GRIP2: variants seen among roughly 807,000 people sequenced by gnomAD.
The protein encoded by GRIP2 is glutamate receptor-interacting protein 2.
Under a neutral mutation model 108.3 loss-of-function variants are expected in GRIP2, and 58 were observed. The ratio of observed to expected loss-of-function variants is 0.54; its 90% CI spans 0.43 to 0.67. GRIP2 has a LOEUF of 0.67. Ranked by LOEUF, GRIP2 falls within the 30% of genes least tolerant of loss-of-function variation. The probability of loss-of-function intolerance (pLI) is 0.00; values close to 1 mark genes in which losing one functional copy is unlikely to be tolerated. For synonymous variants in GRIP2, 586 were observed against 598.2 expected, an observed-to-expected ratio of 0.98 and a Z score of 0.30; for missense variants, 1,278 against 1,430.6, an observed-to-expected ratio of 0.89 and a Z score of 1.72.
intron 4 of GRIP2, 96 bp from the exon 5 acceptor site, chr3:14,523,794 TCA>T: frequency 1.2e-6 from 1 of 820,610 alleles, no homozygotes; most frequent in South Asian, 1.5e-5. Context: ...GGGTGATCAG[TCA>T]CAGAGATTAC....
chr3:14,558,885 C>A (rs1695277998), upstream of GRIP2, among the ~76,000 whole-genome samples: 1 of 152,242 alleles, frequency 6.6e-6, no homozygotes, highest in Non-Finnish European at 1.5e-5. Context: ...CTTAGCTCTT[C>A]AGCTGCAAGA....
chr3:14,577,202 C>A, the GRIP2 span, among the ~76,000 whole-genome samples: 1 of 152,118 alleles, frequency 6.6e-6, no homozygotes, highest in Non-Finnish European at 1.5e-5. Context: ...TTAGTTGATG[C>A]CAGTTTTATT....
At chr3:14,575,880 T>C in the GRIP2 span, among the ~76,000 whole-genome samples, 13 of 152,328 alleles carry the variant, frequency 8.5e-5, 1 homozygote, top group East Asian at 2.3e-3. Context: ...TCACAGAAGA[T>C]GGCAGCTGCA....
chr3:14,550,148 A>C (rs987498699), intron 1 of GRIP2, among the ~76,000 whole-genome samples: 1 of 152,168 alleles, frequency 6.6e-6, no homozygotes, highest in Non-Finnish European at 1.5e-5. Flanking sequence ...GCTGCCTGGC[A>C]GCTGAGCCCC....
Position 14,520,519 on chromosome 3 carries a change from G to C in GRIP2, c.731C>G (p.Ser244Trp), listed in dbSNP as rs779793213. 2 of 1,613,986 alleles carry C rather than the reference G, an allele frequency of 1.2e-6. No homozygotes were observed. Among genetic ancestry groups the C allele is most frequent in the Non-Finnish European group, 1.7e-6 (2 of 1,179,888 alleles). The change falls in exon 8 of 24, where the codon TCG becomes TGG. Residue 244 changes from serine to tryptophan, a missense_variant. Physicochemically the swap from Ser to Trp is radical, Grantham distance 177 (BLOSUM62 -3). Transcript: ENST00000621039. ...GACTATTTCCACCATCAAGGGTCCC[G>C]AAGCATTAGCCACCGTGTCTGGCAT... ...VATPDTVANA[S>W]GPLMVEIVKT...
rs1239883267 is a variant in GRIP2, at chr3:14,493,320, C to T, written c.*345G>A. On this transcript the variant is annotated 3_prime_UTR_variant, in exon 24 of 24. Coordinates refer to ENST00000621039, the MANE Select transcript of GRIP2 (RefSeq NM_001080423.4). ...TGGGAGGAAGTGCTCCCTACATCTT[C>T]GACCTCTCCAAGGAGGCCCCACAGA... 9 of 249,960 alleles carry T rather than the reference C, an allele frequency of 3.6e-5. No individual in the cohort carries two copies. The highest frequency in any genetic ancestry group is 1.3e-4 in the African/African-American group (6 of 44,964). 15.5% of individuals were successfully genotyped at this position (249,960 alleles called of 1,614,324 possible).
upstream of GRIP2, among the ~76,000 whole-genome samples, chr3:14,559,582 A>AGGGCAT (rs541046986): frequency 1.1e-3 from 167 of 152,280 alleles, no homozygotes; most frequent in African/African-American, 3.8e-3. Context: ...TCCCAAGCTC[A>AGGGCAT]GATGTGTCAC....
chr3:14,571,910 A>G, the GRIP2 span, among the ~76,000 whole-genome samples: 2 of 152,226 alleles, frequency 1.3e-5, no homozygotes, highest in South Asian at 2.1e-4. Context: ...AGTACCAAGC[A>G]TTGCTGAGGT....
chr3:14,516,101 A>G (rs867673536), intron 11 of GRIP2, among the ~76,000 whole-genome samples: 2 of 152,180 alleles, frequency 1.3e-5, no homozygotes, highest in African/African-American at 2.4e-5. Context: ...AAGAGCCTCC[A>G]GTCTCCACAT....
chr3:14,573,974 C>T, the GRIP2 span: 2 of 1,091,406 alleles, frequency 1.8e-6, no homozygotes, highest in Non-Finnish European at 2.8e-6. Flanking sequence ...CCTGCGGATC[C>T]TGGCATATGC....
the GRIP2 span, chr3:14,573,194 C>T: frequency 1.4e-6 from 2 of 1,415,174 alleles, no homozygotes; most frequent in Non-Finnish European, 2.0e-6. Context: ...AGGGCCGCTC[C>T]AGGATCTGCC....
intron 1 of GRIP2, among the ~76,000 whole-genome samples, chr3:14,554,930 T>C (rs941055977): frequency 2.0e-5 from 3 of 152,192 alleles, no homozygotes; most frequent in African/African-American, 4.8e-5. Flanking sequence ...CTGCTGTTCC[T>C]GTTGACAGCA....
intron 1 of GRIP2, among the ~76,000 whole-genome samples, chr3:14,549,592 A>G (rs1408143909): frequency 2.6e-5 from 4 of 152,366 alleles, no homozygotes; most frequent in African/African-American, 7.2e-5. Flanking sequence ...ACCATGCTGG[A>G]CAGACATCCT....
rs78828207 is a variant in GRIP2 at position 14,529,278 on chromosome 3, CAAAAAAAAAAAAAAAA to C, written c.41-3363_41-3348del. Among the ~76,000 whole-genome samples, 4 of 111,090 alleles carry C rather than the reference CAAAAAAAAAAAAAAAA, an allele frequency of 3.6e-5. No homozygotes were observed. In the East Asian group the frequency reaches 7.1e-4, roughly 20 times the overall value. 72.9% of individuals were successfully genotyped at this position (111,090 alleles called of 152,430 possible). A position where few individuals can be genotyped will look rare whatever the true frequency, so the allele number is the denominator to read the frequency against. On this transcript the variant is annotated intron_variant, in intron 1 of 23. Coordinates refer to ENST00000621039, the MANE Select transcript of GRIP2 (RefSeq NM_001080423.4). Reference sequence around the variant, plus strand: ...TGGGCGACAGAGTGAGACTCCGTCTCAAAAAAAAAAAAAAAAAAAAAAAAGGAAAAACACTTGTATA... The same window carrying C: ...TGGGCGACAGAGTGAGACTCCGTCTCAAAAAAAAGGAAAAACACTTGTATA...
Position 14,507,149 on chromosome 3 carries a change from G to C in GRIP2, c.2219-169C>G, listed in dbSNP as rs1425261152. Among the ~76,000 whole-genome samples, 1 of 152,166 alleles carries C rather than the reference G, an allele frequency of 6.6e-6. No individual in the cohort carries two copies. Among genetic ancestry groups the C allele is most frequent in the African/African-American group, 2.4e-5 (1 of 41,428 alleles). On this transcript the variant is annotated intron_variant, in intron 18 of 23. Transcript: ENST00000621039. This position sits in a 1 kb window ranked among gnomAD's most constrained non-coding sequence, Gnocchi z 4.6. ...CTGTTTCACAGATGGGAAAACTGAG[G>C]CTCGGGGAAGCTGAGCAGCATGCCC...
chr3:14,493,617 C>G lies in GRIP2; in HGVS notation c.*48G>C, dbSNP rs1317908230. The G allele has an allele frequency of 6.6e-7, 1 of 1,511,700 alleles. No individual in the cohort carries two copies. Among genetic ancestry groups the G allele is most frequent in the Non-Finnish European group, 8.9e-7 (1 of 1,122,594 alleles). 93.6% of individuals were successfully genotyped at this position (1,511,700 alleles called of 1,614,324 possible). A position where few individuals can be genotyped will look rare whatever the true frequency, so the allele number is the denominator to read the frequency against. On this transcript the variant is annotated 3_prime_UTR_variant, in exon 24 of 24. Coordinates refer to ENST00000621039, the MANE Select transcript of GRIP2 (RefSeq NM_001080423.4). ...CCAGCCCAGCTACGTGTCTGGGAGC[C>G]AGGATCTGCCTGGGTGGCCCCTTAG...
the GRIP2 span, among the ~76,000 whole-genome samples, chr3:14,593,133 C>T: frequency 6.6e-6 from 1 of 152,340 alleles, no homozygotes; most frequent in Admixed American, 6.5e-5. Flanking sequence ...TTTTCCCAGC[C>T]GCTGGGGTCT....
At chr3:14,560,622 G>A (rs568659304), upstream of GRIP2, among the ~76,000 whole-genome samples, 1 of 152,348 alleles carries the variant, frequency 6.6e-6, no homozygotes, top group African/African-American at 2.4e-5. Flanking sequence ...AGCTGTGTCA[G>A]TCAGGCTGCT....
Position 14,503,658 on chromosome 3 carries a change from G to A in GRIP2, c.2587C>T (p.Pro863Ser), listed in dbSNP as rs1559332698. Reference sequence around the variant, plus strand: ...CGCCAGAAGCCCTCCTCTCGGGCAGGGCCAGGGGCTGGGCTGTAACGTAGG... The same window carrying A: ...CGCCAGAAGCCCTCCTCTCGGGCAGAGCCAGGGGCTGGGCTGTAACGTAGG... Reference protein sequence around the residue: ...WEPPTSPAPGPAREEGFWRMF... With the variant: ...WEPPTSPAPGSAREEGFWRMF... The change falls in exon 21 of 24, where the codon CCT becomes TCT. Residue 863 changes from proline (P) to serine (S), a missense_variant. By Grantham distance (74) the Pro-to-Ser change is moderately conservative (BLOSUM62 -1). Coordinates refer to ENST00000621039, the MANE Select transcript of GRIP2 (RefSeq NM_001080423.4). 1.5e-5 allele frequency: 24 copies of A among 1,608,306 alleles called. No homozygotes were observed. Among genetic ancestry groups the A allele is most frequent in the East Asian group, 2.2e-5 (1 of 44,686 alleles).
Sources: gnomAD v4.1 joint callset for allele counts (sites outside exome capture counted in the v4.1 genomes callset) on GRCh38, gnomAD v4.1.1 for gene constraint, Gnocchi (gnomAD v3.1) non-coding constraint, MANE v1.5 for transcripts, NCBI Gene and HGNC (gene_info 2026-07-23, HGNC 2026-07-21) for gene names.